NCKAP5: variants seen among roughly 807,000 people sequenced by gnomAD.
The protein encoded by NCKAP5 is nck-associated protein 5.
Under a neutral mutation model 167.0 loss-of-function variants are expected in NCKAP5, and 92 were observed. The ratio of observed to expected loss-of-function variants is 0.55; its 90% CI spans 0.47 to 0.66. The LOEUF (loss-of-function observed/expected upper bound fraction) is 0.66. Ranked by LOEUF, NCKAP5 falls within the 30% of genes least tolerant of loss-of-function variation. NCKAP5 has a pLI of 0.00. For missense variants in NCKAP5, 2,378 were observed against 2,315.0 expected (o/e 1.03, Z -0.56); for synonymous variants, 891 against 877.4 (o/e 1.02, Z -0.27).
rs569966692 is a variant in NCKAP5 at position 133,383,335 on chromosome 2, G to A, written c.70-80225C>T. ...GCGGTGTTTGGTTTTTTGTTCTTGC[G>A]ATCGTATGCTGAGAATGATGGTTTC... On this transcript the variant is annotated intron_variant, in intron 3 of 19. Transcript: ENST00000409261. Among the ~76,000 whole-genome samples, 53 of 152,146 alleles carry A rather than the reference G, an allele frequency of 3.5e-4. No homozygotes were observed. In the East Asian group the frequency reaches 4.2e-3, roughly 12 times the overall value.
At position 133,242,119 on chromosome 2, in the gene NCKAP5, C is replaced by T. The variant is rs1383128273; in HGVS notation, c.144-28340G>A. The stretch of plus-strand genomic sequence containing the variant: ...GGGCAACAAGAGCGAAACTCTGTCT[C>T]AAAAAAAAAAAAAAAAAAAAAAGCA... On this transcript the variant is annotated intron_variant, in intron 4 of 19. Transcript: ENST00000409261. Among the ~76,000 whole-genome samples the T allele has an allele frequency of 1.2e-4, 6 of 48,282 alleles. 1 individual carries two copies. The highest frequency in any genetic ancestry group is 6.5e-4 in the East Asian group (1 of 1,544). 31.7% of individuals were successfully genotyped at this position (48,282 alleles called of 152,430 possible).
intron 16 of NCKAP5, among the ~76,000 whole-genome samples, chr2:132,760,898 C>G (rs990983197): frequency 6.6e-6 from 1 of 152,190 alleles, no homozygotes; most frequent in Non-Finnish European, 1.5e-5. Flanking sequence ...AGTTTCTTCT[C>G]TGGAGTATTA....
chr2:133,242,119 C>CAAA (rs1176776551), intron 4 of NCKAP5, among the ~76,000 whole-genome samples: 41 of 48,054 alleles, frequency 8.5e-4, no homozygotes, highest in African/African-American at 2.2e-3. Flanking sequence ...AACTCTGTCT[C>CAAA]AAAAAAAAAA....
intron 4 of NCKAP5, among the ~76,000 whole-genome samples, chr2:133,282,987 C>G (rs977203938): frequency 6.6e-6 from 1 of 152,190 alleles, no homozygotes; most frequent in African/African-American, 2.4e-5. Flanking sequence ...CATGATTTCT[C>G]TCTTCCAGGG....
chr2:133,051,709 C>T (rs1158065370), intron 6 of NCKAP5, among the ~76,000 whole-genome samples: 1 of 152,162 alleles, frequency 6.6e-6, no homozygotes, highest in East Asian at 1.9e-4. Flanking sequence ...AGAATAAAAT[C>T]ATCTGCTATG....
intron 11 of NCKAP5, among the ~76,000 whole-genome samples, chr2:132,832,932 T>A (rs946187227): frequency 6.6e-6 from 1 of 152,126 alleles, no homozygotes; most frequent in Non-Finnish European, 1.5e-5. Flanking sequence ...AGCTTTATTT[T>A]TAGTTTTTAG....
intron 6 of NCKAP5, among the ~76,000 whole-genome samples, chr2:133,061,479 A>G (rs545808486): frequency 1.4e-4 from 21 of 152,346 alleles, no homozygotes; most frequent in African/African-American, 5.1e-4. Context: ...GTGTTTACCT[A>G]TGTAACAAAC....
chr2:133,637,766 A>T, the NCKAP5 span, among the ~76,000 whole-genome samples: 1 of 152,264 alleles, frequency 6.6e-6, no homozygotes, highest in South Asian at 2.1e-4. Context: ...ATAAAAGAAA[A>T]TTTAACATAC....
At chr2:133,398,854 C>T (rs898710852) in intron 3 of NCKAP5, among the ~76,000 whole-genome samples, 3 of 151,986 alleles carry the variant, frequency 2.0e-5, no homozygotes, top group South Asian at 2.1e-4. Flanking sequence ...CTGAGAGGCC[C>T]GACAGGGTTT....
chr2:132,981,144 T>C (rs2077127697), intron 7 of NCKAP5, among the ~76,000 whole-genome samples: 1 of 152,192 alleles, frequency 6.6e-6, no homozygotes. Flanking sequence ...AGGTTGTTAG[T>C]GGGAACTTGA....
At chr2:133,591,952 G>A in the NCKAP5 span, among the ~76,000 whole-genome samples, 1 of 151,904 alleles carries the variant, frequency 6.6e-6, no homozygotes, top group Admixed American at 6.6e-5. Context: ...AGTTCTCAAG[G>A]GTAATTATCT....
intron 3 of NCKAP5, among the ~76,000 whole-genome samples, chr2:133,509,616 C>T (rs1030041790): frequency 6.6e-6 from 1 of 152,184 alleles, no homozygotes; most frequent in African/African-American, 2.4e-5. Context: ...TATGACATGG[C>T]CCATGCCCTC....
intron 3 of NCKAP5, among the ~76,000 whole-genome samples, chr2:133,425,412 A>G (rs1351354780): frequency 6.6e-6 from 1 of 152,168 alleles, no homozygotes. Flanking sequence ...GAAAGTAATC[A>G]GGGGGGTAGT....
At position 133,479,440 on chromosome 2, in the gene NCKAP5, C is replaced by T. The variant is rs72846380; in HGVS notation, c.69+38018G>A. 1.6e-3 allele frequency among the ~76,000 whole-genome samples: 247 copies of T among 152,256 alleles called. 1 individual carries two copies. The highest frequency in any genetic ancestry group is 3.0e-3 in the Non-Finnish European group (202 of 68,018). On this transcript the variant is annotated intron_variant, in intron 3 of 19. Transcript: ENST00000409261. ...ATGTTAACTCAGTTCTGGTTATTGT[C>T]AAAACTGATGTTTCTCCACCATGGA...
chr2:133,155,004 T>C (rs181068259), intron 5 of NCKAP5, among the ~76,000 whole-genome samples: 25 of 152,356 alleles, frequency 1.6e-4, no homozygotes, highest in African/African-American at 5.8e-4. Context: ...CAATTTCATC[T>C]ACTCTAAGGT....
At chr2:132,981,265 G>T (rs552073926) in intron 7 of NCKAP5, among the ~76,000 whole-genome samples, 1 of 152,270 alleles carries the variant, frequency 6.6e-6, no homozygotes, top group East Asian at 1.9e-4. Flanking sequence ...CAACAGGCTT[G>T]TTCCCAAAGC....
chr2:132,698,460 G>A (rs1687550737), intron 19 of NCKAP5, among the ~76,000 whole-genome samples: 1 of 152,106 alleles, frequency 6.6e-6, no homozygotes, highest in Admixed American at 6.5e-5. Context: ...TATTTAGTAT[G>A]GGGGAATGAT....
At chr2:132,893,937 G>C (rs1692928892) in intron 8 of NCKAP5, among the ~76,000 whole-genome samples, 2 of 152,162 alleles carry the variant, frequency 1.3e-5, no homozygotes, top group Non-Finnish European at 2.9e-5. Context: ...AGAGCCCTAG[G>C]AGAGGGCCTG....
At chr2:133,652,319 T>G in the NCKAP5 span, among the ~76,000 whole-genome samples, 1 of 152,178 alleles carries the variant, frequency 6.6e-6, no homozygotes, top group African/African-American at 2.4e-5. Context: ...GAGGGTGTAG[T>G]GTGTTGAGTT....
Sources: allele counts gnomAD v4.1 joint callset (sites outside exome capture counted in the v4.1 genomes callset), GRCh38; gene constraint gnomAD v4.1.1; transcripts MANE v1.5; gene names NCBI Gene and HGNC (gene_info 2026-07-23, HGNC 2026-07-21).